The following COLEC11 variants were observed in gnomAD, a reference collection of about 807,000 sequenced individuals.
COLEC11 encodes collectin subfamily member 11.
COLEC11 carries 20 observed loss-of-function variants against 27.3 expected under a neutral mutation model. That is an observed-to-expected ratio of 0.73 (90% confidence interval 0.51 to 1.06). COLEC11 has a LOEUF of 1.06. Ranked by LOEUF, COLEC11 falls within the 50% of genes least tolerant of loss-of-function variation. The probability of loss-of-function intolerance (pLI) is 0.00; values close to 1 mark genes in which losing one functional copy is unlikely to be tolerated. For synonymous variants in COLEC11, 163 were observed against 154.7 expected, an observed-to-expected ratio of 1.05 and a Z score of -0.40; for missense variants, 310 against 383.0, an observed-to-expected ratio of 0.81 and a Z score of 1.59.
chr2:3,627,805 A>G (rs552514616), intron 3 of COLEC11, among the ~76,000 whole-genome samples: 1 of 151,472 alleles, frequency 6.6e-6, no homozygotes, highest in East Asian at 2.0e-4. Flanking sequence ...GCTGGGCACA[A>G]TGCTGCACAC....
intron 2 of COLEC11, chr2:3,605,067 G>A (rs1286234882): frequency 1.1e-5 from 5 of 470,940 alleles, no homozygotes; most frequent in Admixed American, 9.4e-5. Context: ...GGTATCTGAA[G>A]CCTCCAGAGC....
At chr2:3,625,910 G>A in intron 3 of COLEC11, 2 of 1,080,782 alleles carry the variant, frequency 1.9e-6, no homozygotes, top group Middle Eastern at 2.0e-4. Flanking sequence ...CGGGATTATA[G>A]GCATGAGCCG....
chr2:3,616,994 T>C (rs12993068), intron 3 of COLEC11, among the ~76,000 whole-genome samples: 106,502 of 152,128 alleles, frequency 0.7, 37,569 homozygotes, highest in South Asian at 0.83. Context: ...AGGTTGTTTT[T>C]ATGTGATGGC....
chr2:3,644,182 C>A lies in COLEC11; in HGVS notation c.*64C>A. 6.3e-7 allele frequency: 1 copy of A among 1,587,836 alleles called. No homozygotes were observed. Among genetic ancestry groups the A allele is most frequent in the Non-Finnish European group, 8.5e-7 (1 of 1,170,288 alleles). On this transcript the variant is annotated 3_prime_UTR_variant, in exon 7 of 7. Transcript: ENST00000349077. ...CCCTGCAGGGTTGGCAGGGACAGAG[C>A]CCAGACCATGGTGCCAGCCAGGGAG...
chr2:3,600,946 CTG>C (rs2147846170), intron 1 of COLEC11, among the ~76,000 whole-genome samples: 1 of 152,332 alleles, frequency 6.6e-6, no homozygotes, highest in East Asian at 1.9e-4. Flanking sequence ...CCCGTGATGG[CTG>C]TGTCACTGCA....
intron 2 of COLEC11, among the ~76,000 whole-genome samples, chr2:3,607,005 C>T (rs1572396771): frequency 1.3e-5 from 2 of 152,216 alleles, no homozygotes; most frequent in Non-Finnish European, 1.5e-5. Flanking sequence ...GGCCTGTCTC[C>T]TCACAGTCCC....
At position 3,637,542 on chromosome 2, in the gene COLEC11, G is replaced by C. The variant is rs751010931; in HGVS notation, c.212G>C (p.Gly71Ala). The change falls in exon 4 of 7, where the codon GGG becomes GCG. Residue 71 changes from glycine (G) to alanine (A), a missense_variant. Transcript: ENST00000349077. ...VGPTGEKGDM[G>A]DKGQKGSVGR... Reference sequence around the variant, plus strand: ...TTATTGTTTTCTACAGGAGACATGGGGGACAAAGGACAGAAAGGCAGTGTG... The same window carrying C: ...TTATTGTTTTCTACAGGAGACATGGCGGACAAAGGACAGAAAGGCAGTGTG... The C allele has an allele frequency of 6.2e-7, 1 of 1,614,104 alleles. No individual in the cohort carries two copies. Among genetic ancestry groups the C allele is most frequent in the East Asian group, 2.2e-5 (1 of 44,878 alleles).
chr2:3,609,693 C>A (rs1663040061), intron 2 of COLEC11, among the ~76,000 whole-genome samples: 1 of 152,162 alleles, frequency 6.6e-6, no homozygotes, highest in Non-Finnish European at 1.5e-5. Context: ...CCACGCCTGG[C>A]TAATTTTTGT....
intron 2 of COLEC11, among the ~76,000 whole-genome samples, chr2:3,609,777 G>A (rs113342590): frequency 0.024 from 3,644 of 152,210 alleles, 157 homozygotes; most frequent in African/African-American, 0.081. Flanking sequence ...TGATCCACCC[G>A]CCTTGGGCTC....
intron 1 of COLEC11, chr2:3,604,095 T>C: frequency 1.6e-6 from 1 of 608,204 alleles, no homozygotes. Flanking sequence ...AGGGCTGGCA[T>C]GCACTTGGTG....
At chr2:3,612,948 G>GGGCGCCT (rs1420292134) in intron 2 of COLEC11, among the ~76,000 whole-genome samples, 2 of 151,672 alleles carry the variant, frequency 1.3e-5, no homozygotes, top group African/African-American at 4.9e-5. Flanking sequence ...CTTCCCATGG[G>GGGCGCCT]GGCGCCTGGA....
At chr2:3,613,841 G>A (rs1301588780) in intron 3 of COLEC11, among the ~76,000 whole-genome samples, 3 of 152,212 alleles carry the variant, frequency 2.0e-5, no homozygotes, top group Admixed American at 1.3e-4. Flanking sequence ...TAGATCATAC[G>A]TGTAAAGGAA....
chr2:3,632,734 C>T (rs1223844730), intron 3 of COLEC11, among the ~76,000 whole-genome samples: 1 of 152,178 alleles, frequency 6.6e-6, no homozygotes, highest in East Asian at 1.9e-4. Context: ...TTTCCTGGCA[C>T]ACAGTCTACC....
chr2:3,637,629 C>A, intron 4 of COLEC11, 25 bp downstream of exon 4: 2 of 1,587,740 alleles, frequency 1.3e-6, no homozygotes, highest in Non-Finnish European at 1.7e-6. Context: ...ATTCTTGCCT[C>A]ATTTCCCCCC....
At chr2:3,611,579 G>A (rs549430467) in intron 2 of COLEC11, among the ~76,000 whole-genome samples, 1 of 152,356 alleles carries the variant, frequency 6.6e-6, no homozygotes, top group African/African-American at 2.4e-5. Flanking sequence ...CTTCTTACAA[G>A]ATAAGAAAGC....
chr2:3,614,627 TA>T (rs1302232411), intron 3 of COLEC11, among the ~76,000 whole-genome samples: 1 of 152,174 alleles, frequency 6.6e-6, no homozygotes, highest in Non-Finnish European at 1.5e-5. Context: ...TCAACACAGA[TA>T]TTTTTTATAG....
At position 3,603,609 on chromosome 2, in the gene COLEC11, G is replaced by A. The variant is rs554389517; in HGVS notation, c.-26-706G>A. 625 of 1,550,424 alleles carry A rather than the reference G, an allele frequency of 4.0e-4. 1 individual carries two copies. The highest frequency in any genetic ancestry group is 3.3e-4 in the Middle Eastern group (2 of 5,988). On this transcript the variant is annotated intron_variant, in intron 1 of 6. Coordinates refer to ENST00000349077, the MANE Select transcript of COLEC11 (RefSeq NM_024027.5). ...TGGAATTACAGGTGTGAGCCACTGC[G>A]CCTGGTCTTGTTTTCCAAGTTGTAA... is the stretch of plus-strand genomic sequence containing the variant.
intron 4 of COLEC11, among the ~76,000 whole-genome samples, chr2:3,639,726 A>T (rs996430909): frequency 6.6e-6 from 1 of 151,854 alleles, no homozygotes; most frequent in South Asian, 2.1e-4. Context: ...GGCTTGTCCC[A>T]TCTAACTGGA....
chr2:3,596,189 G>A (rs1466185655), intron 1 of COLEC11, among the ~76,000 whole-genome samples: 1 of 152,158 alleles, frequency 6.6e-6, no homozygotes, highest in Non-Finnish European at 1.5e-5. Context: ...TCCCCAGTGA[G>A]AGGAACCTCC....
Sources: gnomAD v4.1 joint callset for allele counts (sites outside exome capture counted in the v4.1 genomes callset) on GRCh38, gnomAD v4.1.1 for gene constraint, MANE v1.5 for transcripts, NCBI Gene and HGNC (gene_info 2026-07-23, HGNC 2026-07-21) for gene names.